DPYS: variants seen among roughly 807,000 people sequenced by gnomAD.
The protein encoded by DPYS is dihydropyrimidinase.
Under a neutral mutation model 50.3 loss-of-function variants are expected in DPYS, and 39 were observed. The ratio of observed to expected loss-of-function variants is 0.78; its 90% CI spans 0.60 to 1.01. The LOEUF is 1.01. Ranked by LOEUF, DPYS falls within the 50% of genes least tolerant of loss-of-function variation. The pLI, the probability that DPYS is intolerant of heterozygous loss-of-function variation, is 0.00. For missense variants in DPYS, 659 were observed against 680.9 expected (o/e 0.97, Z 0.36); for synonymous variants, 245 against 250.7 (o/e 0.98, Z 0.22).
intron 1 of DPYS, among the ~76,000 whole-genome samples, chr8:104,456,698 G>A: frequency 6.6e-6 from 1 of 151,958 alleles, no homozygotes; most frequent in Non-Finnish European, 1.5e-5. Context: ...ATTTTTATTT[G>A]TCAGTTAGCC....
At chr8:104,392,296 C>T (rs551270502) in intron 8 of DPYS, among the ~76,000 whole-genome samples, 79 of 152,286 alleles carry the variant, frequency 5.2e-4, no homozygotes, top group Admixed American at 2.7e-3. Context: ...GACTCCCTGA[C>T]GGCCTTTTTC....
chr8:104,452,282 A>G (rs192635221), intron 1 of DPYS, among the ~76,000 whole-genome samples: 1,753 of 152,314 alleles, frequency 0.012, 47 homozygotes, highest in South Asian at 0.011. Flanking sequence ...AACTAAAATC[A>G]CAAGATGGTT....
chr8:104,447,557 A>G lies in DPYS; in HGVS notation c.424-54T>C. On this transcript the variant is annotated intron_variant, in intron 2 of 9. Coordinates refer to ENST00000351513, the MANE Select transcript of DPYS (RefSeq NM_001385.3). Reference sequence around the variant, plus strand: ...ATATGTTACTCTAATTTAAATGATAATTTCAACCTTCTCTAAAACGTTGCA... The same window carrying G: ...ATATGTTACTCTAATTTAAATGATAGTTTCAACCTTCTCTAAAACGTTGCA... 4.4e-6 allele frequency: 7 copies of G among 1,590,206 alleles called. 1 individual carries two copies. In the South Asian group the frequency reaches 7.8e-5, roughly 18 times the overall value.
At chr8:104,399,290 CAAAA>C (rs11323938) in intron 7 of DPYS, among the ~76,000 whole-genome samples, 53 of 74,898 alleles carry the variant, frequency 7.1e-4, no homozygotes, top group East Asian at 5.0e-3. Flanking sequence ...GACTCCATCT[CAAAA>C]AAAAAAAAAA....
At chr8:104,419,218 C>T (rs1812471805) in intron 7 of DPYS, among the ~76,000 whole-genome samples, 1 of 152,204 alleles carries the variant, frequency 6.6e-6, no homozygotes, top group South Asian at 2.1e-4. Context: ...TGGGAAGATG[C>T]TATTCTTACT....
rs927516262 is a variant in DPYS, at chr8:104,407,369, A to G, written c.1236-14378T>C. 2.0e-5 allele frequency among the ~76,000 whole-genome samples: 3 copies of G among 152,190 alleles called. No homozygotes were observed. In the East Asian group the frequency reaches 5.8e-4, roughly 29 times the overall value. On this transcript the variant is annotated intron_variant, in intron 7 of 9. Transcript: ENST00000351513. ...TAACCCCTCTTCTTCCAGAAATACT[A>G]AAGTACTTTAAAAGGAAAACATAAC...
intron 4 of DPYS, among the ~76,000 whole-genome samples, chr8:104,431,320 A>T (rs944369464): frequency 6.6e-6 from 1 of 152,022 alleles, no homozygotes; most frequent in African/African-American, 2.4e-5. Flanking sequence ...TTTTGAAACC[A>T]GATGACAGGT....
intron 1 of DPYS, among the ~76,000 whole-genome samples, chr8:104,466,162 G>A (rs1043866185): frequency 6.6e-6 from 1 of 152,150 alleles, no homozygotes; most frequent in African/African-American, 2.4e-5. Flanking sequence ...TTTGAGTCAA[G>A]GCTGTAACTA....
chr8:104,381,534 A>G (rs1234106484), intron 8 of DPYS: 1 of 495,802 alleles, frequency 2.0e-6, no homozygotes, highest in South Asian at 2.0e-5. Context: ...ACAGAGGCCC[A>G]GGGACACTCA....
intron 1 of DPYS, among the ~76,000 whole-genome samples, chr8:104,459,382 A>G (rs890843298): frequency 6.6e-6 from 1 of 152,176 alleles, no homozygotes; most frequent in South Asian, 2.1e-4. Flanking sequence ...CAGATTAGAG[A>G]CCCATATACC....
At chr8:104,380,819 T>G (rs746225285) in intron 9 of DPYS, 6 of 191,672 alleles carry the variant, frequency 3.1e-5, no homozygotes, top group Admixed American at 5.3e-5. Flanking sequence ...GAAGATTCAT[T>G]TCTCCAGATA....
chr8:104,394,884 G>A (rs1311805171), intron 7 of DPYS, among the ~76,000 whole-genome samples: 1 of 149,904 alleles, frequency 6.7e-6, no homozygotes, highest in African/African-American at 2.5e-5. Context: ...CCTCTCCAAG[G>A]TAGAGAGTAT....
chr8:104,381,366 A>G, intron 8 of DPYS, 52 bp from the exon 9 acceptor site: 2 of 1,501,018 alleles, frequency 1.3e-6, no homozygotes, highest in South Asian at 2.3e-5. Flanking sequence ...TTGAGTTCAA[A>G]GTTAAGTGTA....
intron 1 of DPYS, among the ~76,000 whole-genome samples, chr8:104,455,476 G>C (rs1435518941): frequency 6.6e-6 from 1 of 152,216 alleles, no homozygotes; most frequent in Non-Finnish European, 1.5e-5. Context: ...CAGGCGAGTG[G>C]ACAGAGGAGG....
At chr8:104,384,124 A>G (rs1303462982) in intron 8 of DPYS, among the ~76,000 whole-genome samples, 1 of 152,174 alleles carries the variant, frequency 6.6e-6, no homozygotes, top group Non-Finnish European at 1.5e-5. Context: ...GATGGGAGCC[A>G]CACCTGCGTG....
chr8:104,416,966 T>C (rs1261482654), intron 7 of DPYS, among the ~76,000 whole-genome samples: 1 of 152,146 alleles, frequency 6.6e-6, no homozygotes, highest in East Asian at 1.9e-4. Flanking sequence ...GGCACCATCA[T>C]AAGCCGCAAG....
intron 7 of DPYS, among the ~76,000 whole-genome samples, chr8:104,400,327 G>C (rs1811752783): frequency 6.6e-6 from 1 of 152,208 alleles, no homozygotes; most frequent in Non-Finnish European, 1.5e-5. Context: ...GACTCAAAAA[G>C]AACCAAGAAG....
Position 104,456,402 on chromosome 8 carries a change from G to A in DPYS, c.265-4998C>T, listed in dbSNP as rs190458352. Among the ~76,000 whole-genome samples the A allele has an allele frequency of 1.4e-4, 22 of 152,256 alleles. No homozygotes were observed. In the East Asian group the frequency reaches 1.7e-3, roughly 12 times the overall value. On this transcript the variant is annotated intron_variant, in intron 1 of 9. Transcript: ENST00000351513. ...AAAACTAAAGCAAATGAAAATTCTC[G>A]GGGCTACAATTTGAAAGCTCTTAAA... is the stretch of plus-strand genomic sequence containing the variant.
chr8:104,400,304 T>C (rs1389812157), intron 7 of DPYS, among the ~76,000 whole-genome samples: 1 of 152,154 alleles, frequency 6.6e-6, no homozygotes, highest in Non-Finnish European at 1.5e-5. Flanking sequence ...GAGGCAGAGT[T>C]CAAAAGGCCT....
Sources: allele counts gnomAD v4.1 joint callset (sites outside exome capture counted in the v4.1 genomes callset), GRCh38; gene constraint gnomAD v4.1.1; transcripts MANE v1.5; gene names NCBI Gene and HGNC (gene_info 2026-07-23, HGNC 2026-07-21).